The following AIG1 variants were observed in gnomAD, a reference collection of about 807,000 sequenced individuals.
AIG1 encodes androgen-induced gene 1 protein.
A neutral mutation model predicts 31.4 loss-of-function variants in AIG1; 23 were observed. The observed-to-expected ratio is 0.73, with a 90% CI of 0.53 to 1.04. The LOEUF (loss-of-function observed/expected upper bound fraction) is 1.04. Ranked by LOEUF, AIG1 falls within the 50% of genes least tolerant of loss-of-function variation. The pLI is 0.00. For synonymous variants in AIG1, 100 were observed against 110.5 expected (o/e 0.90, Z 0.60); for missense variants, 274 against 295.0 (o/e 0.93, Z 0.52).
downstream of AIG1, chr6:143,342,189 C>T: frequency 1.6e-6 from 1 of 621,778 alleles, no homozygotes; most frequent in Non-Finnish European, 3.0e-6. Flanking sequence ...TCTCAAAGTA[C>T]TGGGATTACA....
At chr6:143,260,424 AT>A (rs1420543968) in intron 3 of AIG1, among the ~76,000 whole-genome samples, 4 of 152,166 alleles carry the variant, frequency 2.6e-5, no homozygotes, top group African/African-American at 7.2e-5. Context: ...ATTTGAATCT[AT>A]TCTCTGCTTT....
chr6:143,306,970 C>A (rs911781015), intron 4 of AIG1, among the ~76,000 whole-genome samples: 27 of 152,184 alleles, frequency 1.8e-4, no homozygotes, highest in African/African-American at 6.3e-4. Context: ...ATCACTGATA[C>A]CCTTTCTTCC....
intron 3 of AIG1, among the ~76,000 whole-genome samples, chr6:143,263,106 A>G (rs1182452037): frequency 6.6e-6 from 1 of 152,178 alleles, no homozygotes; most frequent in Non-Finnish European, 1.5e-5. Flanking sequence ...TCCGATTAGT[A>G]CATCACCTTT....
At chr6:143,313,347 A>G (rs1314543086) in intron 4 of AIG1, among the ~76,000 whole-genome samples, 2 of 152,222 alleles carry the variant, frequency 1.3e-5, no homozygotes, top group Non-Finnish European at 2.9e-5. Flanking sequence ...TGTGGTACAT[A>G]TACACAATGG....
intron 3 of AIG1, among the ~76,000 whole-genome samples, chr6:143,214,646 T>C (rs1287489451): frequency 6.6e-6 from 1 of 152,194 alleles, no homozygotes; most frequent in African/African-American, 2.4e-5. Flanking sequence ...ATTAGTCCTA[T>C]CACTTCTCAG....
At chr6:143,214,055 G>A (rs994206796) in intron 3 of AIG1, among the ~76,000 whole-genome samples, 12 of 152,036 alleles carry the variant, frequency 7.9e-5, no homozygotes, top group African/African-American at 2.2e-4. Flanking sequence ...TAAAACATAT[G>A]CTTGATTTTT....
chr6:143,099,501 A>G (rs1446956214), intron 1 of AIG1: 1 of 152,168 alleles, frequency 6.6e-6, no homozygotes, highest in African/African-American at 2.4e-5. Context: ...GCTGTTTTCC[A>G]TATCATGTTA....
chr6:143,244,228 C>T (rs183979363), intron 3 of AIG1, among the ~76,000 whole-genome samples: 159 of 152,274 alleles, frequency 1.0e-3, no homozygotes, highest in Admixed American at 0.01. Context: ...GAAATGAACA[C>T]AGACGAGATT....
chr6:143,210,466 G>A (rs1791493403), intron 3 of AIG1, among the ~76,000 whole-genome samples: 1 of 152,220 alleles, frequency 6.6e-6, no homozygotes, highest in Admixed American at 6.5e-5. Context: ...AAGGAAAGAT[G>A]AAAAGTAGCA....
At chr6:143,143,066 G>T (rs1784372026) in intron 2 of AIG1, among the ~76,000 whole-genome samples, 1 of 151,826 alleles carries the variant, frequency 6.6e-6, no homozygotes, top group Admixed American at 6.6e-5. Flanking sequence ...GGCTTAAATG[G>T]GAAACCAGAA....
rs1562514744 is a variant in AIG1, at chr6:143,236,845, AT to A, written c.400-47258del. Among the ~76,000 whole-genome samples, 9 of 152,272 alleles carry A rather than the reference AT, an allele frequency of 5.9e-5. No homozygotes were observed. The South Asian group carries it at 1.9e-3, about 32-fold the overall frequency. On this transcript the variant is annotated intron_variant, in intron 3 of 5. Transcript: ENST00000357847. The stretch of plus-strand genomic sequence containing the variant: ...AAGAATTTCCATACTTCCTTAAGAA[AT>A]TTTTTTCACCAAAAAAATAGACAAC...
At chr6:143,252,413 A>G (rs1161776869) in intron 3 of AIG1, among the ~76,000 whole-genome samples, 1 of 152,122 alleles carries the variant, frequency 6.6e-6, no homozygotes, top group Non-Finnish European at 1.5e-5. Flanking sequence ...GAGGGTCCAT[A>G]TTTCTCTTAA....
chr6:143,191,860 G>T (rs1284091412), intron 3 of AIG1, among the ~76,000 whole-genome samples: 1 of 152,138 alleles, frequency 6.6e-6, no homozygotes, highest in Non-Finnish European at 1.5e-5. Context: ...AATGAATTTG[G>T]GTTTCAAAAG....
At chr6:143,122,329 C>T (rs1207954544) in intron 1 of AIG1, among the ~76,000 whole-genome samples, 2 of 152,096 alleles carry the variant, frequency 1.3e-5, no homozygotes, top group East Asian at 3.9e-4. Context: ...GTTGTTCTGT[C>T]CATGTACAAC....
intron 3 of AIG1, among the ~76,000 whole-genome samples, chr6:143,228,492 G>A (rs537411462): frequency 3.9e-5 from 6 of 152,338 alleles, no homozygotes; most frequent in African/African-American, 1.2e-4. Context: ...TGTGGGTGGA[G>A]CAAGTGTCCC....
chr6:143,261,159 T>A (rs765214829), intron 3 of AIG1, among the ~76,000 whole-genome samples: 3 of 151,376 alleles, frequency 2.0e-5, no homozygotes, highest in Non-Finnish European at 4.4e-5. Flanking sequence ...TGAGACAGAG[T>A]CTCCCTCTGT....
intron 1 of AIG1, among the ~76,000 whole-genome samples, chr6:143,071,690 TTG>T (rs1466133316): frequency 0.012 from 1,740 of 148,454 alleles, 37 homozygotes; most frequent in African/African-American, 0.041. Flanking sequence ...TCTTTTTTTG[TTG>T]TTGTTGTTGT....
chr6:143,091,952 G>A (rs1035887341), intron 1 of AIG1, among the ~76,000 whole-genome samples: 6 of 151,920 alleles, frequency 3.9e-5, no homozygotes, highest in Admixed American at 6.6e-5. Context: ...TGTAAGCAAC[G>A]TCTGGTGCTT....
Position 143,288,272 on chromosome 6 carries a change from A to G in AIG1, c.515+4047A>G, listed in dbSNP as rs1421798490. Reference sequence around the variant, plus strand: ...GGAAATGTACACCCTCAAAGCTTCAAGAATGGTCTCTCTCCTAAGGAGTCT... The same window carrying G: ...GGAAATGTACACCCTCAAAGCTTCAGGAATGGTCTCTCTCCTAAGGAGTCT... On this transcript the variant is annotated intron_variant, in intron 4 of 5. Transcript: ENST00000357847. This position sits in a 1 kb window ranked among gnomAD's most constrained non-coding sequence, Gnocchi z 4.4. Among the ~76,000 whole-genome samples the G allele has an allele frequency of 1.3e-5, 2 of 151,544 alleles. No homozygotes were observed. Among genetic ancestry groups the G allele is most frequent in the African/African-American group, 4.9e-5 (2 of 41,130 alleles).
Sources: allele counts gnomAD v4.1 joint callset (sites outside exome capture counted in the v4.1 genomes callset), GRCh38; gene constraint gnomAD v4.1.1; non-coding constraint Gnocchi (gnomAD v3.1); transcripts MANE v1.5; gene names NCBI Gene and HGNC (gene_info 2026-07-23, HGNC 2026-07-21).